ITGAV: variants seen among roughly 807,000 people sequenced by gnomAD.
ITGAV encodes integrin alpha-V.
ITGAV carries 76 observed loss-of-function variants against 143.8 expected under a neutral mutation model. The ratio of observed to expected loss-of-function variants is 0.53; its 90% CI spans 0.44 to 0.64. The LOEUF is 0.64. ITGAV is among the 30% of genes least tolerant of loss of function. The probability of loss-of-function intolerance (pLI) is 0.00; values close to 1 mark genes in which losing one functional copy is unlikely to be tolerated. For missense variants in ITGAV, 1,193 were observed against 1,274.7 expected (o/e 0.94, Z 0.98); for synonymous variants, 453 against 446.7 (o/e 1.01, Z -0.18).
In ITGAV at chr2:186,638,310, C is replaced by T; in HGVS notation, c.836C>T (p.Thr279Ile). ...FVSGVPRAAR[T>I]LGMVYIYDGK... Reference sequence around the variant, plus strand: ...TCAGGAGTTCCAAGAGCAGCAAGGACTTTGGGAATGGTAGGACAGTTAAAA... The same window carrying T: ...TCAGGAGTTCCAAGAGCAGCAAGGATTTTGGGAATGGTAGGACAGTTAAAA... The change falls in exon 9 of 30, where the codon ACT becomes ATT. Residue 279 changes from threonine to isoleucine, a missense_variant. Thr to Ile is a moderately conservative substitution (Grantham distance 89). Coordinates refer to ENST00000261023, the MANE Select transcript of ITGAV (RefSeq NM_002210.5). The T allele has an allele frequency of 1.2e-6, 2 of 1,613,794 alleles. No homozygotes were observed. The highest frequency in any genetic ancestry group is 1.7e-6 in the Non-Finnish European group (2 of 1,179,780).
chr2:186,601,832 T>C (rs1686915192), intron 1 of ITGAV, among the ~76,000 whole-genome samples, 189 bp from the exon 2 acceptor site: 1 of 152,192 alleles, frequency 6.6e-6, no homozygotes, highest in Admixed American at 6.5e-5. Flanking sequence ...AAAAATAAAC[T>C]ATATCAAATA....
chr2:186,660,568 G>A (rs1167406185), intron 18 of ITGAV: 1 of 152,050 alleles, frequency 6.6e-6, no homozygotes, highest in East Asian at 1.9e-4. Flanking sequence ...ACTCTTCCAT[G>A]CACTCTCTCT....
In ITGAV at chr2:186,625,678, T is replaced by TGTGTGTGTGTGAGA. The variant is rs5836988; in HGVS notation, c.523+92_523+93insTGTGTGTGTGAGAG. ...GTGTGTGTGGGTGTGTGTGTGTGTG[T>TGTGTGTGTGTGAGA]GAGAGAGAGAGATATTAAAAGATAT... On this transcript the variant is annotated intron_variant, in intron 4 of 29. Transcript: ENST00000261023. The TGTGTGTGTGTGAGA allele has an allele frequency of 1.2e-4, 56 of 453,174 alleles. No homozygotes were observed. The South Asian group carries it at 1.7e-3, about 14-fold the overall frequency. The allele number at this position is 453,174 out of a possible 1,614,324, so 28.1% of individuals were successfully genotyped here. A position where few individuals can be genotyped will look rare whatever the true frequency, so the allele number is the denominator to read the frequency against.
chr2:186,671,894 C>A (rs1232272446), intron 26 of ITGAV, among the ~76,000 whole-genome samples: 1 of 149,214 alleles, frequency 6.7e-6, no homozygotes, highest in Non-Finnish European at 1.5e-5. Context: ...GTCTAGCCTT[C>A]TTTCATGTAG....
In ITGAV at chr2:186,662,414, T is replaced by C. The variant is rs150188039; in HGVS notation, c.1858-1354T>C. Reference sequence around the variant, plus strand: ...AATCTTTGTCCAATATATAGCCACTTGCAAGCCTCATGTGGCTTCTGAGCA... The same window carrying C: ...AATCTTTGTCCAATATATAGCCACTCGCAAGCCTCATGTGGCTTCTGAGCA... On this transcript the variant is annotated intron_variant, in intron 18 of 29. Transcript: ENST00000261023. Among the ~76,000 whole-genome samples the C allele has an allele frequency of 2.0e-3, 310 of 151,920 alleles. 1 individual carries two copies. The highest frequency in any genetic ancestry group is 7.1e-3 in the African/African-American group (294 of 41,496).
At chr2:186,630,750 G>A (rs760975828) in intron 4 of ITGAV, 47 bp from the exon 5 acceptor site, 1 of 1,008,974 alleles carries the variant, frequency 9.9e-7, no homozygotes, top group Non-Finnish European at 1.6e-6. Flanking sequence ...TTTGTTTTGT[G>A]TTGTTTGTTT....
intron 6 of ITGAV, 117 bp from the exon 7 acceptor site, chr2:186,635,965 A>T: frequency 1.3e-6 from 1 of 754,882 alleles, no homozygotes. Context: ...ATGTACGGCT[A>T]ATAATTAGAA....
intron 1 of ITGAV, among the ~76,000 whole-genome samples, chr2:186,593,422 A>G (rs1460886531): frequency 6.6e-6 from 1 of 151,604 alleles, no homozygotes; most frequent in African/African-American, 2.4e-5. Flanking sequence ...ATTCACAAAT[A>G]TAGTGATTTT....
intron 2 of ITGAV, among the ~76,000 whole-genome samples, chr2:186,615,687 T>A (rs1687335198): frequency 6.6e-6 from 1 of 152,118 alleles, no homozygotes; most frequent in Non-Finnish European, 1.5e-5. Flanking sequence ...TTCGTTTTTT[T>A]TTTCATATTA....
intron 2 of ITGAV, among the ~76,000 whole-genome samples, chr2:186,603,416 A>G (rs1481571337): frequency 6.6e-6 from 1 of 152,084 alleles, no homozygotes; most frequent in Non-Finnish European, 1.5e-5. Flanking sequence ...TCATTAAGCC[A>G]GCTGTTAATG....
At chr2:186,634,213 CTTTA>C (rs1438882518) in intron 6 of ITGAV, among the ~76,000 whole-genome samples, 1 of 152,034 alleles carries the variant, frequency 6.6e-6, no homozygotes, top group Non-Finnish European at 1.5e-5. Context: ...ATAACTAAAA[CTTTA>C]TTTGCTTTAT....
At chr2:186,659,420 A>G (rs547001330) in intron 18 of ITGAV, among the ~76,000 whole-genome samples, 132 of 152,198 alleles carry the variant, frequency 8.7e-4, no homozygotes, top group South Asian at 1.9e-3. Context: ...GACATTTCAT[A>G]TACATGAAAT....
intron 26 of ITGAV, among the ~76,000 whole-genome samples, chr2:186,675,207 C>A (rs934697078): frequency 3.3e-5 from 5 of 152,174 alleles, no homozygotes; most frequent in Admixed American, 2.6e-4. Context: ...ATTAAAAATT[C>A]TGTTTTCTTT....
chr2:186,668,979 C>T lies in ITGAV; in HGVS notation c.2592+59C>T, dbSNP rs780842327. The T allele has an allele frequency of 7.2e-6, 10 of 1,381,816 alleles. No homozygotes were observed. In the South Asian group the frequency reaches 9.5e-5, roughly 13 times the overall value. 85.6% of individuals were successfully genotyped at this position (1,381,816 alleles called of 1,614,324 possible). On this transcript the variant is annotated intron_variant, in intron 25 of 29. Coordinates refer to ENST00000261023, the MANE Select transcript of ITGAV (RefSeq NM_002210.5). ...GATATTTCATTGCCTTCTTTCTAAACCTGTAAAAGAAATTCATAAAATAAA... is the reference window on the plus strand; with the variant it reads ...GATATTTCATTGCCTTCTTTCTAAATCTGTAAAAGAAATTCATAAAATAAA...
chr2:186,648,239 G>A (rs752681430), intron 13 of ITGAV, among the ~76,000 whole-genome samples: 5 of 151,962 alleles, frequency 3.3e-5, no homozygotes, highest in Non-Finnish European at 7.4e-5. Flanking sequence ...AAGAATCACT[G>A]TGTCAAGTGT....
Position 186,678,209 on chromosome 2 carries a change from TAGTA to T in ITGAV, c.*922_*925del, listed in dbSNP as rs3835765. 0.27 allele frequency: 40,984 copies of T among 151,956 alleles called. 5,620 individuals are homozygous for T. Among genetic ancestry groups the T allele is most frequent in the South Asian group, 0.38 (1,823 of 4,834 alleles). The allele number at this position is 151,956 out of a possible 1,614,324, so 9.4% of individuals were successfully genotyped here. A position where few individuals can be genotyped will look rare whatever the true frequency, so the allele number is the denominator to read the frequency against. Reference sequence around the variant, plus strand: ...TCTTTGAGATAGTTGCTTATGCATATAGTAAGTATTACATTCTTAGAGTAGAGCA... The same window carrying T: ...TCTTTGAGATAGTTGCTTATGCATATAGTATTACATTCTTAGAGTAGAGCA... On this transcript the variant is annotated 3_prime_UTR_variant, in exon 30 of 30. Transcript: ENST00000261023.
chr2:186,660,595 A>G (rs183592224), intron 18 of ITGAV: 1 of 152,314 alleles, frequency 6.6e-6, no homozygotes, highest in Admixed American at 6.5e-5. Context: ...TCAAATAGAA[A>G]TACAAAGTTT....
At chr2:186,602,463 C>G (rs1686938083) in intron 2 of ITGAV, among the ~76,000 whole-genome samples, 1 of 152,122 alleles carries the variant, frequency 6.6e-6, no homozygotes, top group African/African-American at 2.4e-5. Context: ...GAATAGGGAG[C>G]TCATAGGCAC....
intron 14 of ITGAV, 95 bp from the exon 15 acceptor site, chr2:186,651,887 T>C: frequency 1.5e-6 from 1 of 651,710 alleles, no homozygotes; most frequent in Non-Finnish European, 2.7e-6. Flanking sequence ...GTAGACATGG[T>C]ACTATATATG....
Sources: allele counts gnomAD v4.1 joint callset (sites outside exome capture counted in the v4.1 genomes callset), GRCh38; gene constraint gnomAD v4.1.1; transcripts MANE v1.5; gene names NCBI Gene and HGNC (gene_info 2026-07-23, HGNC 2026-07-21).